Variants in DDX25 observed in about 807,000 individuals in gnomAD.
DDX25 encodes ATP-dependent RNA helicase DDX25.
In DDX25, 70 loss-of-function variants were observed where a neutral mutation model predicts 64.6. The ratio of observed to expected loss-of-function variants is 1.08; its 90% confidence interval spans 0.89 to 1.32. DDX25 has a LOEUF of 1.32. Among genes scored for constraint, DDX25 ranks in the 40% most tolerant of loss-of-function variants. DDX25 has a pLI of 0.00. For synonymous variants in DDX25, 211 were observed against 213.3 expected, an observed-to-expected ratio of 0.99 and a Z score of 0.09; for missense variants, 587 against 604.4, an observed-to-expected ratio of 0.97 and a Z score of 0.30.
Position 125,904,558 on chromosome 11 carries a change from A to G in DDX25, c.41A>G (p.Glu14Gly). 6.7e-7 allele frequency: 1 copy of G among 1,496,876 alleles called. No individual in the cohort carries two copies. The highest frequency in any genetic ancestry group is 8.9e-7 in the Non-Finnish European group (1 of 1,123,362). The allele number at this position is 1,496,876 out of a possible 1,614,324, so 92.7% of individuals were successfully genotyped here. Residue 14 changes from glutamate (E) to glycine (G), a missense_variant, in exon 1 of 12, where the codon GAG (glutamate) becomes GGG (glycine). Physicochemically the swap from Glu to Gly is moderately conservative, Grantham distance 98. Transcript: ENST00000263576. ...TGGGGAGGCGACGCAGGGGCGGCGGAGAGCGAGCGGCTGAACAGCCACGTA... is the reference window on the plus strand; with the variant it reads ...TGGGGAGGCGACGCAGGGGCGGCGGGGAGCGAGCGGCTGAACAGCCACGTA... ...LLWGGDAGAAESERLNSHFSN... is the reference protein window; with the variant it reads ...LLWGGDAGAAGSERLNSHFSN...
At chr11:125,913,449 G>C (rs575833290) in intron 8 of DDX25, among the ~76,000 whole-genome samples, 2 of 152,128 alleles carry the variant, frequency 1.3e-5, no homozygotes, top group East Asian at 3.9e-4. Flanking sequence ...TTGATCTTTT[G>C]ACTAATAGTT....
chr11:125,917,317 A>G (rs1945052814), intron 9 of DDX25, 66 bp downstream of exon 9: 7 of 1,453,424 alleles, frequency 4.8e-6, no homozygotes, highest in African/African-American at 2.8e-5. Flanking sequence ...GGGGACGACA[A>G]TAAGTGCCCT....
intron 8 of DDX25, among the ~76,000 whole-genome samples, chr11:125,913,501 G>C (rs4937069): frequency 6.6e-6 from 1 of 151,892 alleles, no homozygotes; most frequent in Admixed American, 6.6e-5. Context: ...TCTAAATTCA[G>C]AGAAATGTTG....
chr11:125,911,162 C>T, intron 7 of DDX25, 149 bp from the exon 8 acceptor site: 1 of 719,892 alleles, frequency 1.4e-6, no homozygotes, highest in African/African-American at 1.8e-5. Flanking sequence ...TCTGCAGAAT[C>T]AAAAACCACA....
chr11:125,920,164 C>T (rs942205025), intron 10 of DDX25, among the ~76,000 whole-genome samples: 10 of 152,120 alleles, frequency 6.6e-5, no homozygotes, highest in Admixed American at 1.3e-4. Context: ...GGGGCGGGTG[C>T]GGTGGCTCAC....
intron 4 of DDX25, among the ~76,000 whole-genome samples, chr11:125,907,105 G>A (rs1285053039): frequency 6.6e-6 from 1 of 152,052 alleles, no homozygotes. Context: ...TCCCAAATGG[G>A]TTTGCATTCC....
chr11:125,904,381 C>A, upstream of DDX25: 1 of 803,022 alleles, frequency 1.2e-6, no homozygotes, highest in Non-Finnish European at 1.7e-6. Context: ...AGCGCCTGCG[C>A]GCCGCACCGC....
Position 125,921,486 on chromosome 11 carries a change from G to C in DDX25, c.1390+107G>C. 1 of 1,290,454 alleles carries C rather than the reference G, an allele frequency of 7.7e-7. No homozygotes were observed. The highest frequency in any genetic ancestry group is 1.0e-6 in the Non-Finnish European group (1 of 956,144). The allele number at this position is 1,290,454 out of a possible 1,614,324, so 79.9% of individuals were successfully genotyped here. ...GGGGCTCATGAGAGTAGTAGAAGCA[G>C]AATGCATGAGCTGGAAGGCTTCTAA... is the stretch of plus-strand genomic sequence containing the variant. On this transcript the variant is annotated intron_variant, in intron 11 of 11. Coordinates refer to ENST00000263576, the MANE Select transcript of DDX25 (RefSeq NM_013264.5). The surrounding 1 kb of genome is among the most constrained non-coding windows in gnomAD (Gnocchi z 4.1).
In DDX25 at chr11:125,904,745, C is replaced by T. The variant is rs545636412; in HGVS notation, c.63+165C>T. ...TTTGGAAGAGGGCCACAGAGGGAGA[C>T]CCCGTCCCCACCCCCACGAGAGGCA... On this transcript the variant is annotated intron_variant, in intron 1 of 11. Transcript: ENST00000263576. 3.1e-5 allele frequency: 26 copies of T among 849,206 alleles called. No individual in the cohort carries two copies. The South Asian group carries it at 3.4e-4, about 11-fold the overall frequency. 52.6% of individuals were successfully genotyped at this position (849,206 alleles called of 1,614,324 possible).
At chr11:125,922,088 C>G (rs1257860893) in intron 11 of DDX25, 1 of 152,160 alleles carries the variant, frequency 6.6e-6, no homozygotes, top group Admixed American at 6.5e-5. Context: ...TCTTGCCCAC[C>G]CTCCCAAACA....
rs572606235 is a variant in DDX25, at chr11:125,928,315, A to G, written c.*5434A>G. The G allele has an allele frequency of 6.6e-6, 1 of 152,342 alleles. No individual in the cohort carries two copies. Among genetic ancestry groups the G allele is most frequent in the South Asian group, 2.1e-4 (1 of 4,824 alleles). 9.4% of individuals were successfully genotyped at this position (152,342 alleles called of 1,614,324 possible). On this transcript the variant is annotated 3_prime_UTR_variant, in exon 12 of 12. Coordinates refer to ENST00000263576, the MANE Select transcript of DDX25 (RefSeq NM_013264.5). The stretch of plus-strand genomic sequence containing the variant: ...ACAGTGTTTGGGATTATATTTTCAA[A>G]ATAATAATTGACCAGATTGTCCTAT...
rs1945115639 is a variant in DDX25 at position 125,921,506 on chromosome 11, T to C, written c.1390+127T>C. 1 of 1,073,656 alleles carries C rather than the reference T, an allele frequency of 9.3e-7. No individual in the cohort carries two copies. The allele number at this position is 1,073,656 out of a possible 1,614,324, so 66.5% of individuals were successfully genotyped here. A position where few individuals can be genotyped will look rare whatever the true frequency, so the allele number is the denominator to read the frequency against. ...AAGCAGAATGCATGAGCTGGAAGGC[T>C]TCTAATTCACAGGACCAGGGTTCTA... On this transcript the variant is annotated intron_variant, in intron 11 of 11. Coordinates refer to ENST00000263576, the MANE Select transcript of DDX25 (RefSeq NM_013264.5). This position sits in a 1 kb window ranked among gnomAD's most constrained non-coding sequence, Gnocchi z 4.1.
chr11:125,917,113 C>G lies in DDX25; in HGVS notation c.900C>G (p.Ile300Met), dbSNP rs1362988913. 9 of 1,610,210 alleles carry G rather than the reference C, an allele frequency of 5.6e-6. No homozygotes were observed. The highest frequency in any genetic ancestry group is 1.3e-5 in the African/African-American group (1 of 74,888). The stretch of plus-strand genomic sequence containing the variant: ...GAATCATCCCTGACCCTAATGTTAT[C>G]AAGTTACGCAAAGAGGAGCTCACAC... The part of the protein sequence containing the change: ...AERIIPDPNV[I>M]KLRKEELTLN... Residue 300 changes from isoleucine to methionine, a missense_variant, in exon 9 of 12, where the codon ATC becomes ATG. Ile to Met is a conservative substitution (Grantham distance 10). Transcript: ENST00000263576.
chr11:125,904,694 A>G, intron 1 of DDX25, 114 bp downstream of exon 1: 1 of 1,206,366 alleles, frequency 8.3e-7, no homozygotes, highest in Non-Finnish European at 1.2e-6. Flanking sequence ...GGGGCGTCAG[A>G]TGCTGGAGGG....
At position 125,923,428 on chromosome 11, in the gene DDX25, A is replaced by G. The variant is rs1565469670; in HGVS notation, c.*547A>G. The G allele has an allele frequency of 6.6e-6, 1 of 152,374 alleles. No homozygotes were observed. Among genetic ancestry groups the G allele is most frequent in the Non-Finnish European group, 1.5e-5 (1 of 68,064 alleles). 9.4% of individuals were successfully genotyped at this position (152,374 alleles called of 1,614,324 possible). A position where few individuals can be genotyped will look rare whatever the true frequency, so the allele number is the denominator to read the frequency against. The stretch of plus-strand genomic sequence containing the variant: ...AACCATTTGAAAGAAAGAGTATTTT[A>G]CTTCTTTAATGTTTCAAGGGACATA... On this transcript the variant is annotated 3_prime_UTR_variant, in exon 12 of 12. Transcript: ENST00000263576.
At position 125,925,603 on chromosome 11, in the gene DDX25, CATCAGCTGTATGTTTCT is replaced by C. The variant is rs1343161469; in HGVS notation, c.*2723_*2739del. ...TTTCAGTGCAACTGTGAGCTGGGTT[CATCAGCTGTATGTTTCT>C]TGGCACCAAATACTAAACCAAATCC... On this transcript the variant is annotated 3_prime_UTR_variant, in exon 12 of 12. Transcript: ENST00000263576. 1 of 384,264 alleles carries C rather than the reference CATCAGCTGTATGTTTCT, an allele frequency of 2.6e-6. No homozygotes were observed. Among genetic ancestry groups the C allele is most frequent in the African/African-American group, 2.1e-5 (1 of 48,298 alleles). The allele number at this position is 384,264 out of a possible 1,614,324, so 23.8% of individuals were successfully genotyped here.
rs150240520 is a variant in DDX25 at position 125,908,161 on chromosome 11, A to G, written c.312-35A>G. The G allele has an allele frequency of 7.2e-6, 11 of 1,520,050 alleles. No homozygotes were observed. The East Asian group carries it at 1.2e-4, about 16-fold the overall frequency. 94.2% of individuals were successfully genotyped at this position (1,520,050 alleles called of 1,614,324 possible). On this transcript the variant is annotated intron_variant, in intron 4 of 11. Coordinates refer to ENST00000263576, the MANE Select transcript of DDX25 (RefSeq NM_013264.5). ...GTATTTCTGATGCTACTGACCAACT[A>G]TAATCTGTAAGTGTTTGATTTTTTT...
At chr11:125,907,502 G>A (rs1439857259) in intron 4 of DDX25, among the ~76,000 whole-genome samples, 1 of 152,100 alleles carries the variant, frequency 6.6e-6, no homozygotes, top group Non-Finnish European at 1.5e-5. Context: ...TAGCTACTCG[G>A]GAGGCTGAGG....
intron 8 of DDX25, among the ~76,000 whole-genome samples, chr11:125,914,252 C>T (rs1165752253): frequency 6.6e-6 from 1 of 152,190 alleles, no homozygotes; most frequent in Non-Finnish European, 1.5e-5. Context: ...GCTCTGTGTG[C>T]ATGGCTGGGG....
Sources: allele counts gnomAD v4.1 joint callset (sites outside exome capture counted in the v4.1 genomes callset), GRCh38; gene constraint gnomAD v4.1.1; non-coding constraint Gnocchi (gnomAD v3.1); transcripts MANE v1.5; gene names NCBI Gene and HGNC (gene_info 2026-07-23, HGNC 2026-07-21).